TYW1: variants seen among roughly 807,000 people sequenced by gnomAD.
TYW1 encodes tRNA-yW synthesizing protein 1 homolog.
Under a neutral mutation model 96.2 loss-of-function variants are expected in TYW1, and 46 were observed. That is an observed-to-expected ratio of 0.48 (90% CI 0.38 to 0.61). The LOEUF is 0.61. Ranked by LOEUF, TYW1 falls within the 20% of genes least tolerant of loss-of-function variation. The pLI is 0.00. For missense variants in TYW1, 684 were observed against 909.6 expected (o/e 0.75, Z 3.19); for synonymous variants, 274 against 323.0 (o/e 0.85, Z 1.63).
intron 15 of TYW1, among the ~76,000 whole-genome samples, chr7:67,215,818 T>C (rs1198610717): frequency 6.6e-6 from 1 of 152,178 alleles, no homozygotes. Context: ...GGGAGAGAGA[T>C]GTAGGCTGGG....
intron 10 of TYW1, among the ~76,000 whole-genome samples, chr7:67,079,171 G>GGTGTGTGTGT (rs55931505): frequency 0.035 from 5,210 of 148,682 alleles, 129 homozygotes; most frequent in Middle Eastern, 0.1. Flanking sequence ...TCGTGTGAGA[G>GGTGTGTGTGT]GTGTGTGTGT....
chr7:67,229,397 GC>G (rs36004196), intron 15 of TYW1, among the ~76,000 whole-genome samples: 40,611 of 151,724 alleles, frequency 0.27, 5,787 homozygotes, highest in African/African-American at 0.36. Context: ...AATTAGCTGG[GC>G]CGTGGTGGGG....
chr7:67,066,219 A>T (rs1482313359), intron 9 of TYW1, among the ~76,000 whole-genome samples: 1 of 152,014 alleles, frequency 6.6e-6, no homozygotes, highest in African/African-American at 2.4e-5. Flanking sequence ...TTAGTACCCT[A>T]CCTGTCCCAC....
At chr7:67,174,598 G>GTT (rs200441951) in intron 13 of TYW1, among the ~76,000 whole-genome samples, 3 of 143,868 alleles carry the variant, frequency 2.1e-5, no homozygotes, top group African/African-American at 7.6e-5. Flanking sequence ...TACCCACAAT[G>GTT]TTTTTTTTTT....
intron 11 of TYW1, among the ~76,000 whole-genome samples, chr7:67,088,937 C>T (rs980394119): frequency 4.6e-5 from 7 of 152,058 alleles, no homozygotes; most frequent in African/African-American, 1.7e-4. Context: ...GAAATGCTTA[C>T]GAACAGATTT....
chr7:67,208,122 G>A (rs1001487815), intron 15 of TYW1, among the ~76,000 whole-genome samples: 1 of 151,798 alleles, frequency 6.6e-6, no homozygotes, highest in Non-Finnish European at 1.5e-5. Flanking sequence ...GAGGCCAGGA[G>A]TTTGAGACTA....
chr7:67,185,886 A>G (rs573002749), intron 14 of TYW1, among the ~76,000 whole-genome samples: 1 of 145,608 alleles, frequency 6.9e-6, no homozygotes, highest in African/African-American at 2.6e-5. Context: ...TGTCTGTGTC[A>G]TATCAGAGGT....
chr7:67,145,274 G>A (rs1461273455), intron 13 of TYW1, among the ~76,000 whole-genome samples: 7 of 148,688 alleles, frequency 4.7e-5, no homozygotes, highest in African/African-American at 1.2e-4. Flanking sequence ...TCAGCCTCCC[G>A]TGTAGCTGGG....
chr7:67,228,815 GC>G (rs1357753380), intron 15 of TYW1, among the ~76,000 whole-genome samples: 2 of 152,198 alleles, frequency 1.3e-5, no homozygotes, highest in African/African-American at 2.4e-5. Flanking sequence ...GTGGCTGGGG[GC>G]CAGCCGAATG....
chr7:67,019,247 C>T (rs182208144), intron 6 of TYW1, among the ~76,000 whole-genome samples: 1 of 152,378 alleles, frequency 6.6e-6, no homozygotes, highest in East Asian at 1.9e-4. Flanking sequence ...CCTTCTTACT[C>T]TCCAAGTTGA....
intron 12 of TYW1, 53 bp from the exon 13 acceptor site, chr7:67,117,430 A>G: frequency 6.4e-7 from 1 of 1,569,898 alleles, no homozygotes. Context: ...TATCATGGAA[A>G]GCCTGATAGA....
At chr7:67,060,146 G>T (rs748273804) in intron 9 of TYW1, among the ~76,000 whole-genome samples, 2 of 151,982 alleles carry the variant, frequency 1.3e-5, no homozygotes, top group Non-Finnish European at 2.9e-5. Flanking sequence ...CGTGATCTTG[G>T]CTTACGGCAA....
intron 10 of TYW1, among the ~76,000 whole-genome samples, chr7:67,079,258 T>C (rs1261107057): frequency 6.6e-6 from 1 of 152,072 alleles, no homozygotes; most frequent in Non-Finnish European, 1.5e-5. Context: ...TTTTTCTTTG[T>C]TGGAAGACTT....
rs1312569186 is a variant in TYW1 at position 67,136,205 on chromosome 7, C to T, written c.1698+18587C>T. 2.0e-5 allele frequency among the ~76,000 whole-genome samples: 3 copies of T among 152,162 alleles called. No homozygotes were observed. The East Asian group carries it at 5.8e-4, about 29-fold the overall frequency. ...AACTGGTATTTGAACCCCTGTTTAG[C>T]CCCAAAGAGCTTCAGTTTGTTAACC... On this transcript the variant is annotated intron_variant, in intron 13 of 15. Transcript: ENST00000359626.
chr7:67,106,496 C>T (rs1163732669), intron 12 of TYW1, among the ~76,000 whole-genome samples: 1 of 152,034 alleles, frequency 6.6e-6, no homozygotes. Context: ...TGTATGGCAT[C>T]GTGTTGTAAG....
chr7:67,195,693 A>G (rs1800371245), intron 15 of TYW1, among the ~76,000 whole-genome samples: 1 of 152,204 alleles, frequency 6.6e-6, no homozygotes, highest in Admixed American at 6.5e-5. Context: ...ATGAGTTTCT[A>G]GCTGTCAGAA....
rs370315649 is a variant in TYW1 at position 67,098,590 on chromosome 7, G to A, written c.1434G>A (p.Lys478=). The part of the protein sequence containing the change: ...AERFEEGMTV[K]HCALSLVGEP... Reference sequence around the variant, plus strand: ...GCTTTGAAGAAGGAATGACGGTAAAGCACTGTGCATTGTCCCTCGTGGGAG... The same window carrying A: ...GCTTTGAAGAAGGAATGACGGTAAAACACTGTGCATTGTCCCTCGTGGGAG... Residue 478 remains lysine, a synonymous_variant, in exon 12 of 16, where the codon AAG becomes AAA. Coordinates refer to ENST00000359626, the MANE Select transcript of TYW1 (RefSeq NM_018264.4). 15 of 1,612,450 alleles carry A rather than the reference G, an allele frequency of 9.3e-6. No homozygotes were observed. In the African/African-American group the frequency reaches 1.9e-4, roughly 20 times the overall value.
At chr7:67,113,054 C>T (rs1797473752) in intron 12 of TYW1, among the ~76,000 whole-genome samples, 2 of 152,288 alleles carry the variant, frequency 1.3e-5, no homozygotes, top group South Asian at 4.1e-4. Context: ...CTTTGCATTT[C>T]TTCTTTGGAC....
At chr7:67,140,904 T>G (rs578258591) in intron 13 of TYW1, among the ~76,000 whole-genome samples, 1 of 152,326 alleles carries the variant, frequency 6.6e-6, no homozygotes, top group East Asian at 1.9e-4. Flanking sequence ...TTGAATTGGT[T>G]TTGACCCAAG....
Sources: gnomAD v4.1 joint callset for allele counts (sites outside exome capture counted in the v4.1 genomes callset) on GRCh38, gnomAD v4.1.1 for gene constraint, MANE v1.5 for transcripts, NCBI Gene and HGNC (gene_info 2026-07-23, HGNC 2026-07-21) for gene names.